The following AGAP1 variants were observed in gnomAD, a reference collection of about 807,000 sequenced individuals.
The protein encoded by AGAP1 is ArfGAP with GTPase domain, ankyrin repeat and PH domain 1, also known as arf-GAP with GTPase, ANK repeat and PH domain-containing protein 1.
AGAP1 carries 29 observed loss-of-function variants against 105.3 expected under a neutral mutation model. The ratio of observed to expected loss-of-function variants is 0.28; its 90% confidence interval spans 0.21 to 0.38. The LOEUF (loss-of-function observed/expected upper bound fraction) is 0.38. Among genes scored for constraint, AGAP1 ranks in the 10% least tolerant of loss-of-function variants. The pLI, the probability that AGAP1 is intolerant of heterozygous loss-of-function variation, is 1.00. For missense variants in AGAP1, 998 were observed against 1,165.1 expected, an observed-to-expected ratio of 0.86 and a Z score of 2.09; for synonymous variants, 509 against 485.9, an observed-to-expected ratio of 1.05 and a Z score of -0.63.
intron 1 of AGAP1, among the ~76,000 whole-genome samples, chr2:235,523,838 G>A (rs1026821613): frequency 6.6e-6 from 1 of 151,894 alleles, no homozygotes; most frequent in Admixed American, 6.6e-5. Flanking sequence ...GGACGTAGCA[G>A]GGGGACGGTG....
chr2:235,778,463 T>C (rs1217058456), intron 6 of AGAP1, among the ~76,000 whole-genome samples: 1 of 152,218 alleles, frequency 6.6e-6, no homozygotes, highest in Admixed American at 6.5e-5. Context: ...TAAGAGTCCC[T>C]GTCCTCATGC....
intron 17 of AGAP1, among the ~76,000 whole-genome samples, chr2:236,122,074 C>A (rs2059913298): frequency 6.7e-6 from 1 of 148,942 alleles, no homozygotes; most frequent in Non-Finnish European, 1.5e-5. Context: ...ACCCTAGCCT[C>A]CCAAGTAATT....
chr2:236,051,505 A>C lies in AGAP1; in HGVS notation c.2114+2224A>C, dbSNP rs1461894264. On this transcript the variant is annotated intron_variant, in intron 16 of 17. Coordinates refer to ENST00000304032, the MANE Select transcript of AGAP1 (RefSeq NM_001037131.3). The surrounding 1 kb of genome is among the most constrained non-coding windows in gnomAD (Gnocchi z 5.9). ...GGCCAGGGCCAGGGGACCAGGTGGG[A>C]AGGCGGGCTGGAGGGTGGGAGTGGC... Among the ~76,000 whole-genome samples the C allele has an allele frequency of 6.6e-6, 1 of 151,666 alleles. No homozygotes were observed. The highest frequency in any genetic ancestry group is 1.5e-5 in the Non-Finnish European group (1 of 67,880).
Position 236,095,776 on chromosome 2 carries a change from T to G in AGAP1, c.2115-24416T>G, listed in dbSNP as rs1168746348. On this transcript the variant is annotated intron_variant, in intron 16 of 17. Coordinates refer to ENST00000304032, the MANE Select transcript of AGAP1 (RefSeq NM_001037131.3). This position sits in a 1 kb window ranked among gnomAD's most constrained non-coding sequence, Gnocchi z 4.1. The stretch of plus-strand genomic sequence containing the variant: ...GAAGTATATTAGTTCAGGGCTAGAT[T>G]ATGGATAGTTGCACAGAGATAGTCC... 6.6e-6 allele frequency among the ~76,000 whole-genome samples: 1 copy of G among 152,222 alleles called. No homozygotes were observed. The highest frequency in any genetic ancestry group is 2.4e-5 in the African/African-American group (1 of 41,462).
At chr2:235,572,705 G>T (rs964509047) in intron 1 of AGAP1, among the ~76,000 whole-genome samples, 3 of 152,222 alleles carry the variant, frequency 2.0e-5, no homozygotes, top group Admixed American at 6.5e-5. Context: ...CCTCCATTTG[G>T]AATGCCACAG....
At chr2:235,798,512 G>T (rs1222530893) in intron 7 of AGAP1, among the ~76,000 whole-genome samples, 2 of 152,028 alleles carry the variant, frequency 1.3e-5, no homozygotes, top group South Asian at 4.1e-4. Context: ...GTTCGGTGTC[G>T]TACTTTCAGT....
chr2:235,678,001 G>C (rs1948847528), intron 1 of AGAP1, among the ~76,000 whole-genome samples: 1 of 143,300 alleles, frequency 7.0e-6, no homozygotes, highest in Non-Finnish European at 1.5e-5. Context: ...CAGAGTTTTG[G>C]CCTTGAGGAT....
rs1216082659 is a variant in AGAP1, at chr2:235,971,745, A to AT, written c.1645+3125dup. ...AAGCTAGTTATATATGTTTTATTTT[A>AT]TTTATTTATTTATTTATTTATTTAT... On this transcript the variant is annotated intron_variant, in intron 13 of 17. Transcript: ENST00000304032. The surrounding 1 kb of genome is among the most constrained non-coding windows in gnomAD (Gnocchi z 4.8). Among the ~76,000 whole-genome samples, 1,482 of 92,172 alleles carry AT rather than the reference A, an allele frequency of 0.016. 19 individuals carry two copies. The highest frequency in any genetic ancestry group is 0.062 in the African/African-American group (1,410 of 22,914). The allele number at this position is 92,172 out of a possible 152,430, so 60.5% of individuals were successfully genotyped here.
In AGAP1 at chr2:236,124,102, A is replaced by C. The variant is rs1346266355; in HGVS notation, c.2554A>C (p.Arg852=). The C allele has an allele frequency of 6.2e-7, 1 of 1,614,020 alleles. No homozygotes were observed. The highest frequency in any genetic ancestry group is 1.3e-5 in the African/African-American group (1 of 75,036). The part of the protein sequence containing the change: ...RNNNRNNSSG[R]VPTII The stretch of plus-strand genomic sequence containing the variant: ...CAATAACCGGAACAACAGCAGTGGG[A>C]GGGTGCCCACCATCATCTGAGGAAC... Residue 852 remains arginine, a synonymous_variant, in exon 18 of 18, where the codon AGG becomes CGG. Coordinates refer to ENST00000304032, the MANE Select transcript of AGAP1 (RefSeq NM_001037131.3). This position sits in a 1 kb window ranked among gnomAD's most constrained non-coding sequence, Gnocchi z 5.1.
At chr2:235,763,300 CAA>C (rs56145835) in intron 6 of AGAP1, among the ~76,000 whole-genome samples, 2 of 140,926 alleles carry the variant, frequency 1.4e-5, no homozygotes, top group African/African-American at 5.1e-5. Context: ...AAATATTCCA[CAA>C]AAAAAAAAAA....
Position 235,769,394 on chromosome 2 carries a change from C to A in AGAP1, c.673+18906C>A, listed in dbSNP as rs1955236591. ...GGTTTGCGTGGTCTTCACTCTTTTG[C>A]AGAAAATTGTTGGCATTGCATCATT... On this transcript the variant is annotated intron_variant, in intron 6 of 17. Transcript: ENST00000304032. This position sits in a 1 kb window ranked among gnomAD's most constrained non-coding sequence, Gnocchi z 4.4. Among the ~76,000 whole-genome samples, 1 of 152,200 alleles carries A rather than the reference C, an allele frequency of 6.6e-6. No individual in the cohort carries two copies.
intron 1 of AGAP1, among the ~76,000 whole-genome samples, chr2:235,509,060 C>G (rs1264653921): frequency 1.3e-5 from 2 of 152,190 alleles, no homozygotes; most frequent in Non-Finnish European, 2.9e-5. Flanking sequence ...CTGCAGCCAC[C>G]CTCACCTGCT....
At position 235,682,204 on chromosome 2, in the gene AGAP1, T is replaced by G. The variant is rs555817746; in HGVS notation, c.164-26975T>G. Among the ~76,000 whole-genome samples the G allele has an allele frequency of 3.9e-5, 6 of 152,184 alleles. No homozygotes were observed. The South Asian group carries it at 1.2e-3, about 32-fold the overall frequency. ...GAAACCGTATCAGCACTGTTTTTTT[T>G]GTTTGTTTTAATATAGAAATAATAT... is the stretch of plus-strand genomic sequence containing the variant. On this transcript the variant is annotated intron_variant, in intron 1 of 17. Coordinates refer to ENST00000304032, the MANE Select transcript of AGAP1 (RefSeq NM_001037131.3).
At position 235,679,678 on chromosome 2, in the gene AGAP1, G is replaced by A. The variant is rs113861364; in HGVS notation, c.164-29501G>A. ...TTTGGACAGCTAGTCTGAGTGCTGCGTCCCAACATCACCTTTCCTAATCCC... is the reference window on the plus strand; with the variant it reads ...TTTGGACAGCTAGTCTGAGTGCTGCATCCCAACATCACCTTTCCTAATCCC... On this transcript the variant is annotated intron_variant, in intron 1 of 17. Coordinates refer to ENST00000304032, the MANE Select transcript of AGAP1 (RefSeq NM_001037131.3). 6.9e-3 allele frequency among the ~76,000 whole-genome samples: 1,045 copies of A among 152,274 alleles called. 4 individuals are homozygous for A. The highest frequency in any genetic ancestry group is 9.5e-3 in the Admixed American group (145 of 15,302).
chr2:235,752,234 A>G lies in AGAP1; in HGVS notation c.673+1746A>G, dbSNP rs4663616. Among the ~76,000 whole-genome samples the G allele has an allele frequency of 0.2, 31,149 of 152,120 alleles. 3,880 individuals are homozygous for G. The highest frequency in any genetic ancestry group is 0.51 in the East Asian group (2,635 of 5,156). ...AGCTCTTTGCCCAGGCTGGAGTGCA[A>G]TGGCGTGATGGCAGCTCACTGCAAC... On this transcript the variant is annotated intron_variant, in intron 6 of 17. Transcript: ENST00000304032. This position sits in a 1 kb window ranked among gnomAD's most constrained non-coding sequence, Gnocchi z 4.3.
chr2:235,807,380 A>C, intron 9 of AGAP1, 49 bp downstream of exon 9: 13 of 1,518,646 alleles, frequency 8.6e-6, no homozygotes, highest in Non-Finnish European at 1.1e-5. Flanking sequence ...GATACACCTC[A>C]GGTCTTCCTG....
At position 235,867,270 on chromosome 2, in the gene AGAP1, G is replaced by C. The variant is rs115738318; in HGVS notation, c.1051-16075G>C. ...GGAGGTATGTTAGGCTTCATGGGTC[G>C]TGTGGTTTCTCCTGAACTACCTACC... On this transcript the variant is annotated intron_variant, in intron 9 of 17. Transcript: ENST00000304032. The surrounding 1 kb of genome is among the most constrained non-coding windows in gnomAD (Gnocchi z 5.4). 0.025 allele frequency among the ~76,000 whole-genome samples: 3,740 copies of C among 152,312 alleles called. 78 individuals are homozygous for C. Among genetic ancestry groups the C allele is most frequent in the Non-Finnish European group, 0.038 (2,596 of 68,020 alleles).
rs2060066030 is a variant in AGAP1, at chr2:236,130,323, T to G, written c.*6201T>G. On this transcript the variant is annotated 3_prime_UTR_variant, in exon 18 of 18. Coordinates refer to ENST00000304032, the MANE Select transcript of AGAP1 (RefSeq NM_001037131.3). This position sits in a 1 kb window ranked among gnomAD's most constrained non-coding sequence, Gnocchi z 5.8. ...GTGAAACCATATGATAGAGACTCCT[T>G]GTCGAAGTCCACATCGGACTGATCT... 1.3e-5 allele frequency: 2 copies of G among 151,728 alleles called. No homozygotes were observed. Among genetic ancestry groups the G allele is most frequent in the South Asian group, 4.2e-4 (2 of 4,806 alleles). The allele number at this position is 151,728 out of a possible 1,614,324, so 9.4% of individuals were successfully genotyped here. A position where few individuals can be genotyped will look rare whatever the true frequency, so the allele number is the denominator to read the frequency against.
chr2:235,939,047 A>G (rs368305030), intron 12 of AGAP1, among the ~76,000 whole-genome samples: 1 of 152,302 alleles, frequency 6.6e-6, no homozygotes, highest in South Asian at 2.1e-4. Flanking sequence ...ATGTGTGTGA[A>G]TGGTGGTTAT....
Sources: gnomAD v4.1 joint callset for allele counts (sites outside exome capture counted in the v4.1 genomes callset) on GRCh38, gnomAD v4.1.1 for gene constraint, Gnocchi (gnomAD v3.1) non-coding constraint, MANE v1.5 for transcripts, NCBI Gene and HGNC (gene_info 2026-07-23, HGNC 2026-07-21) for gene names.